PLXNA2: variants seen among roughly 807,000 people sequenced by gnomAD.
PLXNA2 encodes plexin A2.
Under a neutral mutation model 193.5 loss-of-function variants are expected in PLXNA2, and 91 were observed. The observed-to-expected ratio is 0.47, with a 90% CI of 0.40 to 0.56. The LOEUF is 0.56. Among genes scored for constraint, PLXNA2 ranks in the 20% least tolerant of loss-of-function variants. The pLI, the probability that PLXNA2 is intolerant of heterozygous loss-of-function variation, is 0.00. For missense variants in PLXNA2, 1,995 were observed against 2,503.2 expected (o/e 0.80, Z 4.33); for synonymous variants, 997 against 1,027.3 (o/e 0.97, Z 0.56).
At chr1:208,212,708 C>A (rs560692818) in intron 2 of PLXNA2, among the ~76,000 whole-genome samples, 2 of 152,296 alleles carry the variant, frequency 1.3e-5, no homozygotes, top group East Asian at 3.9e-4. Flanking sequence ...TACCAGCACA[C>A]CACTGGAGCC....
In PLXNA2 at chr1:208,045,254, C is replaced by G. The variant is rs138434628; in HGVS notation, c.3496-44G>C. ...TTTATAGGCATAATTGACACATGCACGCACAAGTTAATTGCCTACTTAAAA... is the reference window on the plus strand; with the variant it reads ...TTTATAGGCATAATTGACACATGCAGGCACAAGTTAATTGCCTACTTAAAA... On this transcript the variant is annotated intron_variant, in intron 18 of 31. Transcript: ENST00000367033. 5.7e-6 allele frequency: 9 copies of G among 1,591,216 alleles called. No homozygotes were observed. In the East Asian group the frequency reaches 2.0e-4, roughly 36 times the overall value.
chr1:208,186,760 G>T (rs182262633), intron 3 of PLXNA2, among the ~76,000 whole-genome samples: 9 of 147,234 alleles, frequency 6.1e-5, no homozygotes, highest in African/African-American at 2.3e-4. Context: ...TCGCCCAGGC[G>T]GGACTGCGGA....
chr1:208,189,069 G>A (rs1022651062), intron 3 of PLXNA2, among the ~76,000 whole-genome samples: 6 of 152,170 alleles, frequency 3.9e-5, no homozygotes, highest in East Asian at 1.9e-4. Flanking sequence ...TACGAGAAGC[G>A]CAAAGAAAAG....
chr1:208,033,461 G>T lies in PLXNA2; in HGVS notation c.4913C>A (p.Ala1638Asp), dbSNP rs1240677586. 2 of 1,613,374 alleles carry T rather than the reference G, an allele frequency of 1.2e-6. No individual in the cohort carries two copies. The highest frequency in any genetic ancestry group is 1.7e-5 in the Admixed American group (1 of 60,014). The change falls in exon 28 of 32, where the codon GCC becomes GAC. Residue 1638 changes from alanine to aspartate, a missense_variant. Physicochemically the swap from Ala to Asp is moderately radical, Grantham distance 126 (BLOSUM62 -2). This residue lies in a region of PLXNA2 where 1,291 missense variants were observed against 1,673.6 expected (regional missense o/e 0.77). Coordinates refer to ENST00000367033, the MANE Select transcript of PLXNA2 (RefSeq NM_025179.4). ...TGSPDSLRSR[A>D]PMITPDLESG... ...TTCCAGGTCTGGGGTGATCATCGGG[G>T]CCCGGGACCGCAGGCTGTCGGGGCT... is the stretch of plus-strand genomic sequence containing the variant.
At chr1:208,037,265 C>T (rs548222897) in intron 26 of PLXNA2, among the ~76,000 whole-genome samples, 1 of 152,318 alleles carries the variant, frequency 6.6e-6, no homozygotes, top group African/African-American at 2.4e-5. Context: ...ACACCACACT[C>T]ATGTCCTCTG....
intron 4 of PLXNA2, among the ~76,000 whole-genome samples, chr1:208,131,517 G>A (rs989060988): frequency 3.9e-5 from 6 of 152,196 alleles, no homozygotes; most frequent in Non-Finnish European, 5.9e-5. Context: ...GAGCTGAAAA[G>A]CAGGCTGCAG....
At chr1:208,081,515 G>C (rs555861184) in intron 11 of PLXNA2, among the ~76,000 whole-genome samples, 1 of 152,164 alleles carries the variant, frequency 6.6e-6, no homozygotes, top group Non-Finnish European at 1.5e-5. Flanking sequence ...TCCTACAGTG[G>C]CCTAAGTAGT....
chr1:208,213,373 C>T (rs1671024417), intron 2 of PLXNA2, among the ~76,000 whole-genome samples: 1 of 152,144 alleles, frequency 6.6e-6, no homozygotes, highest in African/African-American at 2.4e-5. Context: ...GTAATACAGC[C>T]GAACTAAATT....
At chr1:208,214,199 C>T (rs1671052267) in intron 2 of PLXNA2, among the ~76,000 whole-genome samples, 1 of 151,862 alleles carries the variant, frequency 6.6e-6, no homozygotes, top group South Asian at 2.1e-4. Context: ...AAGAAAATAG[C>T]TGGCTCTTTA....
intron 3 of PLXNA2, among the ~76,000 whole-genome samples, chr1:208,152,294 C>CT (rs1316548765): frequency 6.6e-6 from 1 of 151,964 alleles, no homozygotes; most frequent in Non-Finnish European, 1.5e-5. Context: ...GGCATGTGCC[C>CT]ACCATGGTGC....
intron 1 of PLXNA2, among the ~76,000 whole-genome samples, chr1:208,241,806 T>C (rs1672062302): frequency 6.6e-6 from 1 of 152,010 alleles, no homozygotes; most frequent in African/African-American, 2.4e-5. Context: ...CTTTAGGTAA[T>C]GCTGGTTGGT....
At chr1:208,175,995 C>T (rs1315860485) in intron 3 of PLXNA2, among the ~76,000 whole-genome samples, 2 of 152,182 alleles carry the variant, frequency 1.3e-5, no homozygotes, top group Non-Finnish European at 2.9e-5. Context: ...TGGAACCAAC[C>T]AGCCTTACGT....
intron 1 of PLXNA2, among the ~76,000 whole-genome samples, chr1:208,220,199 G>A (rs1347868442): frequency 6.6e-6 from 1 of 152,076 alleles, no homozygotes; most frequent in Non-Finnish European, 1.5e-5. Context: ...TCCCTGCTTG[G>A]TATCCTCCCA....
intron 6 of PLXNA2, among the ~76,000 whole-genome samples, chr1:208,097,515 C>T (rs1287210616): frequency 6.6e-6 from 1 of 152,188 alleles, no homozygotes; most frequent in African/African-American, 2.4e-5. Flanking sequence ...GAAGTGGCCA[C>T]CAACTGCTTG....
At chr1:208,169,866 G>A (rs928414592) in intron 3 of PLXNA2, among the ~76,000 whole-genome samples, 1 of 151,890 alleles carries the variant, frequency 6.6e-6, no homozygotes, top group East Asian at 1.9e-4. Flanking sequence ...TAGATTGGAT[G>A]AACTCTAAAA....
chr1:208,044,738 T>C lies in PLXNA2; in HGVS notation c.3644A>G (p.His1215Arg), dbSNP rs1383110765. The C allele has an allele frequency of 6.2e-7, 1 of 1,612,348 alleles. No individual in the cohort carries two copies. The highest frequency in any genetic ancestry group is 8.5e-7 in the Non-Finnish European group (1 of 1,179,122). The change falls in exon 20 of 32, where the codon CAC becomes CGC. Residue 1215 changes from histidine (H) to arginine (R), a missense_variant. Around this residue, in one of 3 missense-constraint regions of PLXNA2, gnomAD observed 1,291 missense variants for 1,673.6 expected, o/e 0.77. Transcript: ENST00000367033. The surrounding 1 kb of genome is among the most constrained non-coding windows in gnomAD (Gnocchi z 4.9). ...AGGCGAGAACACCATCCCGCCCACG[T>C]GAACCTGTGCATTGTACACATACAG... ...NLTGQHKVMV[H>R]VGGMVFSPGS...
chr1:208,220,054 G>A (rs1054611228), intron 1 of PLXNA2, among the ~76,000 whole-genome samples: 1 of 152,194 alleles, frequency 6.6e-6, no homozygotes, highest in Non-Finnish European at 1.5e-5. Flanking sequence ...TGCCCCTGTC[G>A]CTGGGAAGAA....
At position 208,028,095 on chromosome 1, in the gene PLXNA2, C is replaced by T. The variant is rs1266409460; in HGVS notation, c.5503G>A (p.Glu1835Lys). 1.1e-5 allele frequency: 17 copies of T among 1,613,302 alleles called. No individual in the cohort carries two copies. Among genetic ancestry groups the T allele is most frequent in the East Asian group, 4.5e-5 (2 of 44,828 alleles). ...TCCACGGCGTGCAGGCGGGACTGCT[C>T]GGCGAGGTAGGCATTCATGTCCTGG... The part of the protein sequence containing the change: ...SDQDMNAYLA[E>K]QSRLHAVEFN... Residue 1835 changes from glutamate to lysine, a missense_variant, in exon 31 of 32, where the codon GAG becomes AAG. This residue lies in a region of PLXNA2 where 1,291 missense variants were observed against 1,673.6 expected (regional missense o/e 0.77). Coordinates refer to ENST00000367033, the MANE Select transcript of PLXNA2 (RefSeq NM_025179.4). This position sits in a 1 kb window ranked among gnomAD's most constrained non-coding sequence, Gnocchi z 4.2.
intron 20 of PLXNA2, 37 bp from the exon 21 acceptor site, chr1:208,043,240 GC>G: frequency 6.2e-7 from 1 of 1,602,558 alleles, no homozygotes. Context: ...TCGTGGGGAA[GC>G]CCCAGTCGGG....
Sources: gnomAD v4.1 joint callset for allele counts (sites outside exome capture counted in the v4.1 genomes callset) on GRCh38, gnomAD v4.1.1 for gene constraint, gnomAD v4.1.1 regional missense constraint, Gnocchi (gnomAD v3.1) non-coding constraint, MANE v1.5 for transcripts, NCBI Gene and HGNC (gene_info 2026-07-23, HGNC 2026-07-21) for gene names.